LRFN5: variants seen among roughly 807,000 people sequenced by gnomAD.
The protein encoded by LRFN5 is leucine-rich repeat and fibronectin type-III domain-containing protein 5.
In LRFN5, 24 loss-of-function variants were observed where a neutral mutation model predicts 45.6. That is an observed-to-expected ratio of 0.53 (90% CI 0.38 to 0.74). LRFN5 has a LOEUF of 0.74. Among genes scored for constraint, LRFN5 ranks in the 30% least tolerant of loss-of-function variants. LRFN5 has a pLI of 0.00. For synonymous variants in LRFN5, 340 were observed against 313.8 expected (o/e 1.08, Z -0.88); for missense variants, 776 against 861.5 (o/e 0.90, Z 1.24).
At chr14:41,678,275 CAT>C (rs545639673) in intron 1 of LRFN5, among the ~76,000 whole-genome samples, 4 of 151,270 alleles carry the variant, frequency 2.6e-5, no homozygotes, top group South Asian at 4.2e-4. Flanking sequence ...TATACATATA[CAT>C]ATATATATAT....
intron 2 of LRFN5, among the ~76,000 whole-genome samples, chr14:41,825,927 CCATAGGACTT>C (rs1289767673): frequency 3.3e-5 from 5 of 152,306 alleles, no homozygotes; most frequent in Non-Finnish European, 7.3e-5. Flanking sequence ...CCTACCTTTT[CCATAGGACTT>C]CAAGTTCTTC....
At chr14:41,715,148 C>T (rs191225855) in intron 1 of LRFN5, among the ~76,000 whole-genome samples, 2 of 152,144 alleles carry the variant, frequency 1.3e-5, no homozygotes, top group East Asian at 1.9e-4. Context: ...AAAATTGAAA[C>T]AAATTGGAGA....
chr14:41,634,139 C>T (rs568158072), intron 1 of LRFN5, among the ~76,000 whole-genome samples: 7 of 152,114 alleles, frequency 4.6e-5, no homozygotes, highest in Admixed American at 6.6e-5. Context: ...AAAATAAACT[C>T]ATACTATGTA....
At chr14:41,674,737 C>G (rs568892709) in intron 1 of LRFN5, among the ~76,000 whole-genome samples, 2 of 151,850 alleles carry the variant, frequency 1.3e-5, no homozygotes, top group South Asian at 2.1e-4. Context: ...GGGGTGGCTG[C>G]CGGGCGGAGA....
intron 1 of LRFN5, among the ~76,000 whole-genome samples, chr14:41,608,912 C>G (rs550580055): frequency 2.6e-5 from 4 of 152,254 alleles, no homozygotes; most frequent in Admixed American, 2.0e-4. Context: ...GGTACCCAAC[C>G]CTTTCCAGAT....
intron 2 of LRFN5, among the ~76,000 whole-genome samples, chr14:41,831,376 A>G (rs762257136): frequency 6.6e-5 from 10 of 152,218 alleles, no homozygotes; most frequent in Admixed American, 1.3e-4. Flanking sequence ...TTATACATAC[A>G]TAGACATAAA....
chr14:41,674,704 A>G (rs2138670548), intron 1 of LRFN5, among the ~76,000 whole-genome samples: 1 of 142,294 alleles, frequency 7.0e-6, no homozygotes, highest in South Asian at 2.4e-4. Flanking sequence ...CGGGGGGCTG[A>G]CCCCCCTACC....
intron 2 of LRFN5, among the ~76,000 whole-genome samples, chr14:41,860,074 C>T (rs1021918995): frequency 9.2e-5 from 14 of 152,236 alleles, no homozygotes; most frequent in African/African-American, 3.4e-4. Context: ...TGGGTACAGA[C>T]AGTTATCGCT....
At chr14:41,835,726 C>CAAGCA (rs1399561967) in intron 2 of LRFN5, among the ~76,000 whole-genome samples, 1 of 151,630 alleles carries the variant, frequency 6.6e-6, no homozygotes, top group African/African-American at 2.4e-5. Context: ...GACCACGTCT[C>CAAGCA]AAGCAAAACA....
intron 2 of LRFN5, among the ~76,000 whole-genome samples, chr14:41,768,713 A>G (rs1885975666): frequency 6.6e-6 from 1 of 152,144 alleles, no homozygotes; most frequent in Admixed American, 6.5e-5. Context: ...TTAATTAATA[A>G]TTTTTTGTAT....
intron 1 of LRFN5, among the ~76,000 whole-genome samples, chr14:41,752,667 CT>C (rs1885187978): frequency 6.6e-6 from 1 of 152,058 alleles, no homozygotes; most frequent in Admixed American, 6.6e-5. Flanking sequence ...GATATTAGCC[CT>C]TTTCTCAGAT....
At chr14:41,822,320 TTG>T (rs2139015570) in intron 2 of LRFN5, among the ~76,000 whole-genome samples, 1 of 152,134 alleles carries the variant, frequency 6.6e-6, no homozygotes, top group African/African-American at 2.4e-5. Context: ...AGCACTGTTT[TTG>T]CCATACCCCA....
chr14:41,756,524 T>C (rs1885392136), intron 1 of LRFN5, among the ~76,000 whole-genome samples: 3 of 152,198 alleles, frequency 2.0e-5, no homozygotes, highest in Admixed American at 6.5e-5. Flanking sequence ...CCATCACTGA[T>C]ACCCTTTCTT....
Position 41,887,297 on chromosome 14 carries a change from C to G in LRFN5, c.672C>G (p.Thr224=). 1.9e-6 allele frequency: 3 copies of G among 1,614,166 alleles called. No homozygotes were observed. Among genetic ancestry groups the G allele is most frequent in the Non-Finnish European group, 2.5e-6 (3 of 1,180,038 alleles). The change falls in exon 3 of 6, where the codon ACC becomes ACG. Residue 224 remains threonine (T), a synonymous_variant. Transcript: ENST00000298119. The surrounding 1 kb of genome is among the most constrained non-coding windows in gnomAD (Gnocchi z 4.8). ...PLFQRAQVLA[T]SGIISPSTFA... Reference sequence around the variant, plus strand: ...TTCAGCGAGCTCAGGTACTAGCAACCTCAGGAATCATAAGCCCATCTACTT... The same window carrying G: ...TTCAGCGAGCTCAGGTACTAGCAACGTCAGGAATCATAAGCCCATCTACTT...
chr14:41,670,230 C>T (rs10141486), intron 1 of LRFN5, among the ~76,000 whole-genome samples: 64,867 of 108,254 alleles, frequency 0.6, 20,840 homozygotes, highest in East Asian at 0.97. Flanking sequence ...TATATGTATA[C>T]ACACACACAC....
intron 2 of LRFN5, among the ~76,000 whole-genome samples, chr14:41,874,844 A>C (rs1428900589): frequency 6.6e-6 from 1 of 152,216 alleles, no homozygotes; most frequent in African/African-American, 2.4e-5. Flanking sequence ...TTGTGAAAAG[A>C]GAAGCAAACA....
rs565490250 is a variant in LRFN5, at chr14:41,674,499, G to A, written c.-197+65937G>A. On this transcript the variant is annotated intron_variant, in intron 1 of 5. Transcript: ENST00000298119. ...TCCCGGACGGGGTGGCTGGCCGGGCGGGGGGCTGACCCCTCCACCTCTCTC... is the reference window on the plus strand; with the variant it reads ...TCCCGGACGGGGTGGCTGGCCGGGCAGGGGGCTGACCCCTCCACCTCTCTC... Among the ~76,000 whole-genome samples, 76 of 146,406 alleles carry A rather than the reference G, an allele frequency of 5.2e-4. 1 individual carries two copies. Among genetic ancestry groups the A allele is most frequent in the African/African-American group, 1.8e-3 (70 of 39,428 alleles).
intron 2 of LRFN5, among the ~76,000 whole-genome samples, chr14:41,806,354 A>C (rs1566454934): frequency 6.6e-6 from 1 of 152,154 alleles, no homozygotes; most frequent in Non-Finnish European, 1.5e-5. Context: ...TTGCTTTCTT[A>C]GGGAAAAGGG....
chr14:41,871,384 T>TC (rs748942427), intron 2 of LRFN5, among the ~76,000 whole-genome samples: 6 of 152,082 alleles, frequency 3.9e-5, no homozygotes, highest in Admixed American at 1.3e-4. Flanking sequence ...GGTCAGGAGT[T>TC]CAAGACCAGA....
Sources: gnomAD v4.1 joint callset for allele counts (sites outside exome capture counted in the v4.1 genomes callset) on GRCh38, gnomAD v4.1.1 for gene constraint, Gnocchi (gnomAD v3.1) non-coding constraint, MANE v1.5 for transcripts, NCBI Gene and HGNC (gene_info 2026-07-23, HGNC 2026-07-21) for gene names.